Variants in IGSF10 observed in about 807,000 individuals in gnomAD.
The protein encoded by IGSF10 is immunoglobulin superfamily member 10.
Under a neutral mutation model 128.2 loss-of-function variants are expected in IGSF10, and 126 were observed. That is an observed-to-expected ratio of 0.98 (90% CI 0.85 to 1.14). IGSF10 has a LOEUF of 1.14. Among genes scored for constraint, IGSF10 ranks in the 50% most tolerant of loss-of-function variants. The pLI is 0.00. For missense variants in IGSF10, 3,295 were observed against 3,149.8 expected, an observed-to-expected ratio of 1.05 and a Z score of -1.10; for synonymous variants, 1,185 against 1,146.2, an observed-to-expected ratio of 1.03 and a Z score of -0.68.
At chr3:151,461,158 C>G, upstream of IGSF10, 5 of 985,442 alleles carry the variant, frequency 5.1e-6, no homozygotes, top group South Asian at 1.9e-4. Context: ...CACCGGGCCC[C>G]TCTTTATGTT....
chr3:151,549,484 T>C, the IGSF10 span, among the ~76,000 whole-genome samples: 2 of 152,238 alleles, frequency 1.3e-5, no homozygotes, highest in Non-Finnish European at 2.9e-5. Flanking sequence ...AGCTGTCTGA[T>C]ATCCTCAATT....
intron 1 of IGSF10, 46 bp downstream of exon 1, chr3:151,460,900 G>A (rs1387696007): frequency 1.0e-6 from 1 of 983,006 alleles, no homozygotes; most frequent in African/African-American, 1.7e-5. Context: ...CCCAGCCGGC[G>A]TGGGGTTCCA....
At chr3:151,586,592 T>C in the IGSF10 span, among the ~76,000 whole-genome samples, 10 of 152,308 alleles carry the variant, frequency 6.6e-5, no homozygotes, top group African/African-American at 2.4e-4. Context: ...CCTGCTGTCA[T>C]TGATTTGGGA....
chr3:151,465,540 G>C (rs1722250724), upstream of IGSF10, among the ~76,000 whole-genome samples: 1 of 152,166 alleles, frequency 6.6e-6, no homozygotes, highest in African/African-American at 2.4e-5. Context: ...AACTCTTCTA[G>C]TTTCTTCTTC....
chr3:151,556,444 T>C, the IGSF10 span, among the ~76,000 whole-genome samples: 1 of 152,156 alleles, frequency 6.6e-6, no homozygotes, highest in African/African-American at 2.4e-5. Context: ...GAAAAGGTTA[T>C]GTTATGGAAC....
At chr3:151,616,764 T>C in the IGSF10 span, among the ~76,000 whole-genome samples, 15 of 152,382 alleles carry the variant, frequency 9.8e-5, no homozygotes, top group East Asian at 1.7e-3. Flanking sequence ...GTATCATCTA[T>C]AGAAACCTCT....
the IGSF10 span, among the ~76,000 whole-genome samples, chr3:151,523,571 G>C: frequency 5.9e-5 from 9 of 152,136 alleles, no homozygotes; most frequent in African/African-American, 1.9e-4. Context: ...ATGGGGAAAA[G>C]AGTCCTATTC....
At chr3:151,523,597 G>A in the IGSF10 span, among the ~76,000 whole-genome samples, 1 of 152,122 alleles carries the variant, frequency 6.6e-6, no homozygotes, top group South Asian at 2.1e-4. Flanking sequence ...ATGGTGCTGG[G>A]ATAACTGGCC....
chr3:151,502,654 TC>T, the IGSF10 span, among the ~76,000 whole-genome samples: 2 of 151,980 alleles, frequency 1.3e-5, no homozygotes, highest in African/African-American at 4.8e-5. Flanking sequence ...TAAAATTTTT[TC>T]TATTACTTTA....
At chr3:151,594,247 T>C in the IGSF10 span, among the ~76,000 whole-genome samples, 1 of 152,050 alleles carries the variant, frequency 6.6e-6, no homozygotes, top group African/African-American at 2.4e-5. Flanking sequence ...TGGGAGATAC[T>C]GTCTGTGAAT....
At chr3:151,580,868 TC>T in the IGSF10 span, among the ~76,000 whole-genome samples, 1 of 152,218 alleles carries the variant, frequency 6.6e-6, no homozygotes, top group African/African-American at 2.4e-5. Context: ...AGACATTTTT[TC>T]AAGTGCCCTT....
chr3:151,589,986 A>T, the IGSF10 span, among the ~76,000 whole-genome samples: 10,125 of 152,164 alleles, frequency 0.067, 421 homozygotes, highest in Admixed American at 0.14. Flanking sequence ...ATAAAAAATT[A>T]TTGGAAACTG....
At chr3:151,597,629 AAC>A in the IGSF10 span, among the ~76,000 whole-genome samples, 1 of 152,234 alleles carries the variant, frequency 6.6e-6, no homozygotes, top group Admixed American at 6.5e-5. Context: ...AAAACTACAC[AAC>A]ACAGGCTGCT....
the IGSF10 span, among the ~76,000 whole-genome samples, chr3:151,499,097 G>T: frequency 6.6e-6 from 1 of 152,098 alleles, no homozygotes; most frequent in East Asian, 1.9e-4. Flanking sequence ...CACATCTGCA[G>T]ATAATTAAAC....
the IGSF10 span, among the ~76,000 whole-genome samples, chr3:151,529,676 G>A: frequency 6.6e-6 from 1 of 152,132 alleles, no homozygotes. Context: ...CAATAAAAAG[G>A]ACGTCCACTC....
chr3:151,442,839 T>A (rs1171868602), intron 7 of IGSF10, 145 bp downstream of exon 7: 1 of 583,548 alleles, frequency 1.7e-6, no homozygotes, highest in Non-Finnish European at 2.7e-6. Flanking sequence ...AAAGATTAGT[T>A]TTTTTTGAGA....
Position 151,453,579 on chromosome 3 carries a change from C to A in IGSF10, c.520G>T (p.Val174Phe). Residue 174 changes from valine (V) to phenylalanine (F), a missense_variant, in exon 5 of 8, where the codon GTC (valine) becomes TTC (phenylalanine). Val to Phe is a conservative substitution (Grantham distance 50). Transcript: ENST00000282466. ...AATATCTGGAGGTAGCTCAAAGAGA[C>A]AAATGTATCTGGGTGGAGCTTAGTG... ...QLTKLHPDTF[V>F]SLSYLQIFKI... The A allele has an allele frequency of 6.2e-7, 1 of 1,613,780 alleles. No individual in the cohort carries two copies. Among genetic ancestry groups the A allele is most frequent in the Non-Finnish European group, 8.5e-7 (1 of 1,179,768 alleles).
chr3:151,615,418 A>G, the IGSF10 span, among the ~76,000 whole-genome samples: 3 of 152,148 alleles, frequency 2.0e-5, no homozygotes, highest in African/African-American at 4.8e-5. Flanking sequence ...TAGTACCTAA[A>G]AAGAACTACT....
chr3:151,512,217 A>T, the IGSF10 span, among the ~76,000 whole-genome samples: 2 of 152,218 alleles, frequency 1.3e-5, no homozygotes, highest in African/African-American at 4.8e-5. Flanking sequence ...GTTGGAAGTA[A>T]AGCACTCCTC....
Sources: gnomAD v4.1 joint callset for allele counts (sites outside exome capture counted in the v4.1 genomes callset) on GRCh38, gnomAD v4.1.1 for gene constraint, MANE v1.5 for transcripts, NCBI Gene and HGNC (gene_info 2026-07-23, HGNC 2026-07-21) for gene names.